The following AVL9 variants were observed in gnomAD, a reference collection of about 807,000 sequenced individuals.
AVL9 encodes the protein AVL9 cell migration associated.
AVL9 carries 49 observed loss-of-function variants against 79.2 expected under a neutral mutation model. That is an observed-to-expected ratio of 0.62 (90% confidence interval 0.49 to 0.79). The LOEUF (loss-of-function observed/expected upper bound fraction) is 0.79, where lower values mean the gene tolerates loss of function less well. Ranked by LOEUF, AVL9 falls within the 30% of genes least tolerant of loss-of-function variation. AVL9 has a pLI of 0.00. For synonymous variants in AVL9, 299 were observed against 280.6 expected (o/e 1.07, Z -0.65); for missense variants, 682 against 776.8 (o/e 0.88, Z 1.45).
intron 1 of AVL9, among the ~76,000 whole-genome samples, chr7:32,509,978 G>A (rs1326343146): frequency 6.6e-6 from 1 of 152,244 alleles, no homozygotes; most frequent in Non-Finnish European, 1.5e-5. Context: ...AGGGGTCCTT[G>A]TAACTTACTG....
At chr7:32,548,144 C>CTCTTTTTTT (rs1227025763) in intron 3 of AVL9, among the ~76,000 whole-genome samples, 3 of 57,596 alleles carry the variant, frequency 5.2e-5, no homozygotes, top group African/African-American at 1.1e-4. Flanking sequence ...TTTGTCATCT[C>CTCTTTTTTT]TTTTTTCTTT....
intron 3 of AVL9, among the ~76,000 whole-genome samples, chr7:32,548,189 C>A (rs1789624614): frequency 1.0e-5 from 1 of 95,526 alleles, no homozygotes; most frequent in Non-Finnish European, 2.2e-5. Context: ...ACTCTTTCGC[C>A]CAGGCTGGAG....
At chr7:32,500,582 GT>G (rs764329715) in intron 1 of AVL9, among the ~76,000 whole-genome samples, 31 of 150,858 alleles carry the variant, frequency 2.1e-4, no homozygotes, top group African/African-American at 6.1e-4. Context: ...GAGCTCTTTA[GT>G]TTTTTTTTAA....
chr7:32,570,316 C>T (rs964670190), intron 11 of AVL9, 162 bp downstream of exon 11: 3 of 473,248 alleles, frequency 6.3e-6, no homozygotes, highest in Non-Finnish European at 8.3e-6. Context: ...GTCTAATTCT[C>T]ATAAAAACAC....
intron 13 of AVL9, among the ~76,000 whole-genome samples, chr7:32,579,552 ATATAT>A (rs1354368300): frequency 0.06 from 296 of 4,956 alleles, 92 homozygotes; most frequent in Non-Finnish European, 0.08. Context: ...ATTATATATT[ATATAT>A]TATATTATAT....
intron 12 of AVL9, among the ~76,000 whole-genome samples, chr7:32,574,498 G>T (rs1045358988): frequency 6.6e-6 from 1 of 150,432 alleles, no homozygotes; most frequent in Non-Finnish European, 1.5e-5. Context: ...TAATTAATTT[G>T]CTTTTAAGCA....
chr7:32,502,399 A>AAAAAC (rs1398476241), intron 1 of AVL9, among the ~76,000 whole-genome samples: 1 of 143,108 alleles, frequency 7.0e-6, no homozygotes, highest in Non-Finnish European at 1.6e-5. Context: ...TCTCAAAAAA[A>AAAAAC]AAAAAAAAAA....
At chr7:32,544,648 A>G (rs1372598476) in intron 2 of AVL9, 46 bp from the exon 3 acceptor site, 2 of 1,300,106 alleles carry the variant, frequency 1.5e-6, no homozygotes, top group Non-Finnish European at 1.1e-6. Flanking sequence ...ACTTATTAAT[A>G]AGGGTAATTC....
intron 1 of AVL9, among the ~76,000 whole-genome samples, chr7:32,516,559 C>A (rs766547767): frequency 6.6e-6 from 1 of 152,082 alleles, no homozygotes; most frequent in Non-Finnish European, 1.5e-5. Flanking sequence ...CCCCCAGCAA[C>A]GTGCAGCAGC....
intron 7 of AVL9, 122 bp from the exon 8 acceptor site, chr7:32,554,435 TC>T: frequency 2.0e-6 from 1 of 494,614 alleles, no homozygotes; most frequent in Non-Finnish European, 3.5e-6. Flanking sequence ...TCATAATTTT[TC>T]ATGTACTTTT....
chr7:32,513,662 G>A (rs1369614627), intron 1 of AVL9, among the ~76,000 whole-genome samples: 2 of 152,240 alleles, frequency 1.3e-5, no homozygotes, highest in Non-Finnish European at 2.9e-5. Context: ...GTGGAGACGA[G>A]AGACTGAGAA....
chr7:32,565,134 G>A (rs1312319614), intron 10 of AVL9, among the ~76,000 whole-genome samples: 4 of 152,186 alleles, frequency 2.6e-5, no homozygotes, highest in African/African-American at 9.7e-5. Context: ...GAAAGGACTG[G>A]AGCCCTTGGA....
intron 10 of AVL9, among the ~76,000 whole-genome samples, chr7:32,565,977 C>CAAAAA (rs70992730): frequency 7.2e-6 from 1 of 139,280 alleles, no homozygotes. Flanking sequence ...CACTGCACTC[C>CAAAAA]AAAAAAAAAA....
At position 32,584,036 on chromosome 7, in the gene AVL9, G is replaced by A. The variant is rs1462935608; in HGVS notation, c.*129G>A. ...ATGTCGAACTGTTTACATGGATGTT[G>A]CTCTAAGTGAATGTTTCGGGATGCC... On this transcript the variant is annotated 3_prime_UTR_variant, in exon 16 of 16. Transcript: ENST00000318709. The A allele has an allele frequency of 1.4e-6, 1 of 735,302 alleles. No individual in the cohort carries two copies. Among genetic ancestry groups the A allele is most frequent in the Non-Finnish European group, 2.5e-6 (1 of 402,340 alleles). 45.5% of individuals were successfully genotyped at this position (735,302 alleles called of 1,614,324 possible).
At chr7:32,499,947 T>C (rs1787043139) in intron 1 of AVL9, among the ~76,000 whole-genome samples, 3 of 152,224 alleles carry the variant, frequency 2.0e-5, no homozygotes, top group African/African-American at 7.2e-5. Flanking sequence ...CATGGCTGCA[T>C]AGTATTCCAT....
chr7:32,553,567 T>A (rs1300252592), intron 6 of AVL9, among the ~76,000 whole-genome samples, 160 bp from the exon 7 acceptor site: 2 of 152,168 alleles, frequency 1.3e-5, no homozygotes, highest in Non-Finnish European at 2.9e-5. Context: ...TGTTTCTGAG[T>A]ATATGTGTAC....
At chr7:32,582,354 T>G (rs528138392) in intron 15 of AVL9, among the ~76,000 whole-genome samples, 1 of 141,832 alleles carries the variant, frequency 7.1e-6, no homozygotes, top group African/African-American at 2.5e-5. Context: ...ATATCCCTAG[T>G]TTTCTGAATA....
rs1788333349 is a variant in AVL9 at position 32,524,893 on chromosome 7, G to A, written c.94-18248G>A. The stretch of plus-strand genomic sequence containing the variant: ...GAATGTTAACTGAAGCCACCCCTAT[G>A]CTAATGGAAATAATGGTGCCCAAGA... On this transcript the variant is annotated intron_variant, in intron 1 of 15. Coordinates refer to ENST00000318709, the MANE Select transcript of AVL9 (RefSeq NM_015060.3). 2.0e-5 allele frequency among the ~76,000 whole-genome samples: 3 copies of A among 152,172 alleles called. No individual in the cohort carries two copies. The South Asian group carries it at 6.2e-4, about 31-fold the overall frequency.
intron 13 of AVL9, among the ~76,000 whole-genome samples, chr7:32,578,409 G>C (rs1791194138): frequency 6.6e-6 from 1 of 152,164 alleles, no homozygotes; most frequent in Admixed American, 6.5e-5. Flanking sequence ...TGCATTTCCA[G>C]CCTTTCTGAA....
Sources: allele counts gnomAD v4.1 joint callset (sites outside exome capture counted in the v4.1 genomes callset), GRCh38; gene constraint gnomAD v4.1.1; transcripts MANE v1.5; gene names NCBI Gene and HGNC (gene_info 2026-07-23, HGNC 2026-07-21).